The following COQ9 variants were observed in gnomAD, a reference collection of about 807,000 sequenced individuals.
COQ9 encodes ubiquinone biosynthesis protein COQ9, mitochondrial.
A neutral mutation model predicts 42.4 loss-of-function variants in COQ9; 35 were observed. The observed-to-expected ratio is 0.83, with a 90% CI of 0.63 to 1.10. The LOEUF (loss-of-function observed/expected upper bound fraction) is 1.10. COQ9 is among the 50% of genes least tolerant of loss of function. The pLI is 0.00. For synonymous variants in COQ9, 155 were observed against 155.1 expected (o/e 1.00, Z 0.00); for missense variants, 406 against 414.6 (o/e 0.98, Z 0.18).
At chr16:57,456,898 C>A (rs370065382) in intron 4 of COQ9, 33 bp from the exon 5 acceptor site, 1 of 1,585,154 alleles carries the variant, frequency 6.3e-7, no homozygotes, top group Non-Finnish European at 8.7e-7. Context: ...GCCTTTCACT[C>A]AGAGACACAC....
intron 3 of COQ9, chr16:57,453,535 C>T (rs2030337286): frequency 1.2e-5 from 2 of 163,224 alleles, no homozygotes; most frequent in Non-Finnish European, 2.7e-5. Context: ...ATACCATCCT[C>T]CAAGAGACTG....
Position 57,461,239 on chromosome 16 carries a change from C to G in COQ9, c.*615C>G, listed in dbSNP as rs1229997249. The G allele has an allele frequency of 4.6e-6, 2 of 433,438 alleles. No individual in the cohort carries two copies. Among genetic ancestry groups the G allele is most frequent in the African/African-American group, 4.1e-5 (2 of 49,044 alleles). 26.8% of individuals were successfully genotyped at this position (433,438 alleles called of 1,614,324 possible). On this transcript the variant is annotated 3_prime_UTR_variant, in exon 9 of 9. Coordinates refer to ENST00000262507, the MANE Select transcript of COQ9 (RefSeq NM_020312.4). ...GCAGGATTATTAGTGTATTTTGAGT[C>G]TGTAAAAATAATAAATATGTTTGAA...
Position 57,460,117 on chromosome 16 carries a change from C to G in COQ9, c.921+13C>G. ...TGCAGCAGTGACGGTGAGTACTGCC[C>G]AGCACATCCCTGCCCCTCCTCTCTC... On this transcript the variant is annotated intron_variant, in intron 8 of 8. Transcript: ENST00000262507. 1 of 1,613,632 alleles carries G rather than the reference C, an allele frequency of 6.2e-7. No homozygotes were observed. Among genetic ancestry groups the G allele is most frequent in the South Asian group, 1.1e-5 (1 of 91,050 alleles).
At chr16:57,450,227 A>G in intron 1 of COQ9, among the ~76,000 whole-genome samples, 1 of 152,192 alleles carries the variant, frequency 6.6e-6, no homozygotes, top group Non-Finnish European at 1.5e-5. Context: ...CAGCCTGGCC[A>G]ACATGGCGAA....
In COQ9 at chr16:57,447,593, AAGCCGGGGAG is replaced by A. The variant is rs879612663; in HGVS notation, c.73+18_73+27del. ...ATGCCTGCCCGGTGAGGGGGCTGCC[AAGCCGGGGAG>A]AGGCGGGGAGCGCGGAGGGGGCGCG... On this transcript the variant is annotated intron_variant, in intron 1 of 8. Transcript: ENST00000262507. 7 of 1,258,614 alleles carry A rather than the reference AAGCCGGGGAG, an allele frequency of 5.6e-6. No homozygotes were observed. The highest frequency in any genetic ancestry group is 7.0e-6 in the Non-Finnish European group (7 of 999,586). The allele number at this position is 1,258,614 out of a possible 1,614,324, so 78.0% of individuals were successfully genotyped here.
intron 5 of COQ9, among the ~76,000 whole-genome samples, chr16:57,457,603 G>C (rs1329350189): frequency 6.6e-6 from 1 of 152,166 alleles, no homozygotes; most frequent in African/African-American, 2.4e-5. Context: ...TGCTCAGCTG[G>C]AAGACTACTA....
intron 3 of COQ9, among the ~76,000 whole-genome samples, chr16:57,454,784 G>A (rs538770429): frequency 3.9e-5 from 6 of 152,216 alleles, no homozygotes; most frequent in Non-Finnish European, 7.4e-5. Context: ...AAACTGCACA[G>A]GCAAGGTGGA....
intron 8 of COQ9, 111 bp from the exon 9 acceptor site, chr16:57,460,478 C>G: frequency 5.5e-6 from 6 of 1,082,684 alleles, no homozygotes; most frequent in Non-Finnish European, 8.3e-6. Context: ...AACCCTGTCT[C>G]TATGCAAAAA....
intron 3 of COQ9, among the ~76,000 whole-genome samples, chr16:57,455,356 CAT>C (rs72051263): frequency 0.13 from 18,008 of 143,156 alleles, 1,390 homozygotes; most frequent in African/African-American, 0.22. Context: ...CACATTTGGG[CAT>C]ATATATATAT....
At chr16:57,458,398 A>G in intron 6 of COQ9, 48 bp downstream of exon 6, 1 of 1,355,146 alleles carries the variant, frequency 7.4e-7, no homozygotes. Context: ...GGCTTGTGTT[A>G]AGCATTTCTT....
In COQ9 at chr16:57,456,618, C is replaced by G. The variant is rs2030408826; in HGVS notation, c.493C>G (p.Gln165Glu). ...GCTCACACGTGTGCTAGAAGAGGAGCAGAAGCTGGTACAGTTGGGCCAGGC... is the reference window on the plus strand; with the variant it reads ...GCTCACACGTGTGCTAGAAGAGGAGGAGAAGCTGGTACAGTTGGGCCAGGC... ...TRLTRVLEEEQKLVQLGQAEK... is the reference protein window; with the variant it reads ...TRLTRVLEEEEKLVQLGQAEK... The change falls in exon 4 of 9, where the codon CAG becomes GAG. Residue 165 changes from glutamine (Q) to glutamate (E), a missense_variant. By Grantham distance (29) the Gln-to-Glu change is conservative. Transcript: ENST00000262507. The G allele has an allele frequency of 2.5e-6, 4 of 1,614,096 alleles. No homozygotes were observed. Among genetic ancestry groups the G allele is most frequent in the Non-Finnish European group, 3.4e-6 (4 of 1,180,024 alleles).
chr16:57,455,722 A>T (rs1325907185), intron 3 of COQ9, among the ~76,000 whole-genome samples: 1 of 152,052 alleles, frequency 6.6e-6, no homozygotes, highest in East Asian at 1.9e-4. Flanking sequence ...GAGGGGTAGA[A>T]CTAGGGTGCA....
chr16:57,455,516 G>A (rs2030382980), intron 3 of COQ9, among the ~76,000 whole-genome samples: 2 of 151,756 alleles, frequency 1.3e-5, no homozygotes, highest in South Asian at 4.2e-4. Context: ...TTTAAGGGGA[G>A]AGTAGAATAG....
Position 57,450,235 on chromosome 16 carries a change from G to A in COQ9, c.74-805G>A, listed in dbSNP as rs567963787. ...TTGAGACCAGCCTGGCCAACATGGCGAAACTCCGTCTCTACTAAAAATACA... is the reference window on the plus strand; with the variant it reads ...TTGAGACCAGCCTGGCCAACATGGCAAAACTCCGTCTCTACTAAAAATACA... On this transcript the variant is annotated intron_variant, in intron 1 of 8. Coordinates refer to ENST00000262507, the MANE Select transcript of COQ9 (RefSeq NM_020312.4). Among the ~76,000 whole-genome samples, 7 of 152,160 alleles carry A rather than the reference G, an allele frequency of 4.6e-5. No individual in the cohort carries two copies. The South Asian group carries it at 6.2e-4, about 14-fold the overall frequency.
chr16:57,448,460 G>A (rs1397544335), intron 1 of COQ9, among the ~76,000 whole-genome samples: 1 of 151,342 alleles, frequency 6.6e-6, no homozygotes, highest in Admixed American at 6.6e-5. Flanking sequence ...GTCTCACTCT[G>A]TCACCCAGGC....
At chr16:57,448,428 T>C (rs578098212) in intron 1 of COQ9, among the ~76,000 whole-genome samples, 32 of 151,244 alleles carry the variant, frequency 2.1e-4, no homozygotes, top group Non-Finnish European at 3.1e-4. Context: ...CCTACTTGGC[T>C]TAATTTTGTT....
chr16:57,451,387 G>A (rs2030285295), intron 2 of COQ9, among the ~76,000 whole-genome samples, 179 bp downstream of exon 2: 1 of 151,964 alleles, frequency 6.6e-6, no homozygotes, highest in Admixed American at 6.6e-5. Context: ...GACCAGACTG[G>A]TCTCAAACTC....
intron 6 of COQ9, 129 bp from the exon 7 acceptor site, chr16:57,459,436 C>T (rs2030477908): frequency 1.1e-6 from 1 of 896,260 alleles, no homozygotes. Flanking sequence ...GTAGTGTTGT[C>T]CAGAGGGCCA....
chr16:57,450,246 TC>T (rs2030251455), intron 1 of COQ9, among the ~76,000 whole-genome samples: 1 of 151,998 alleles, frequency 6.6e-6, no homozygotes, highest in Non-Finnish European at 1.5e-5. Context: ...AAACTCCGTC[TC>T]TACTAAAAAT....
Sources: allele counts gnomAD v4.1 joint callset (sites outside exome capture counted in the v4.1 genomes callset), GRCh38; gene constraint gnomAD v4.1.1; transcripts MANE v1.5; gene names NCBI Gene and HGNC (gene_info 2026-07-23, HGNC 2026-07-21).